Variants in CTCFL observed in about 807,000 individuals in gnomAD.
The protein encoded by CTCFL is CCCTC-binding factor like.
A neutral mutation model predicts 67.4 loss-of-function variants in CTCFL; 36 were observed. That is an observed-to-expected ratio of 0.53 (90% CI 0.41 to 0.71). The LOEUF is 0.71. CTCFL is among the 30% of genes least tolerant of loss of function. The pLI is 0.00. For synonymous variants in CTCFL, 324 were observed against 302.3 expected, an observed-to-expected ratio of 1.07 and a Z score of -0.75; for missense variants, 786 against 835.2, an observed-to-expected ratio of 0.94 and a Z score of 0.73.
At chr20:57,515,055 C>A in intron 6 of CTCFL, 1 of 309,994 alleles carries the variant, frequency 3.2e-6, no homozygotes, top group East Asian at 5.7e-5. Context: ...CACAAGACAT[C>A]AAGTACCTCT....
chr20:57,521,575 G>A (rs1001782000), intron 3 of CTCFL, among the ~76,000 whole-genome samples: 1 of 152,158 alleles, frequency 6.6e-6, no homozygotes, highest in African/African-American at 2.4e-5. Flanking sequence ...AAGTATATAC[G>A]CAAAAGGACT....
At chr20:57,507,210 G>A in intron 9 of CTCFL, 2 of 146,942 alleles carry the variant, frequency 1.4e-5, no homozygotes, top group Admixed American at 1.1e-4. Context: ...TTTTTTTTTT[G>A]AGACAGAGTC....
intron 10 of CTCFL, among the ~76,000 whole-genome samples, chr20:57,502,189 G>T (rs1269181180): frequency 6.6e-6 from 1 of 152,204 alleles, no homozygotes. Flanking sequence ...GGCACACCCA[G>T]GCTTAGGGCT....
rs750778184 is a variant in CTCFL, at chr20:57,503,317, G to A, written c.1840+119C>T. 17 of 1,206,706 alleles carry A rather than the reference G, an allele frequency of 1.4e-5. No individual in the cohort carries two copies. In the East Asian group the frequency reaches 2.1e-4, roughly 15 times the overall value. The allele number at this position is 1,206,706 out of a possible 1,614,324, so 74.7% of individuals were successfully genotyped here. On this transcript the variant is annotated intron_variant, in intron 10 of 10. Transcript: ENST00000243914. ...CTGGCACAAGCCACCTTGCAGGACCGACTGGTGGACAAATAGGGGCTCTGG... is the reference window on the plus strand; with the variant it reads ...CTGGCACAAGCCACCTTGCAGGACCAACTGGTGGACAAATAGGGGCTCTGG...
intron 5 of CTCFL, among the ~76,000 whole-genome samples, chr20:57,516,673 G>A (rs571691686): frequency 1.3e-5 from 2 of 152,350 alleles, no homozygotes; most frequent in South Asian, 2.1e-4. Context: ...GTGGAGGAAG[G>A]TGTCCCTGGC....
intron 3 of CTCFL, among the ~76,000 whole-genome samples, chr20:57,521,701 A>C (rs1398789669): frequency 6.6e-6 from 1 of 152,220 alleles, no homozygotes; most frequent in Non-Finnish European, 1.5e-5. Flanking sequence ...GGATAAATAA[A>C]ATGTGCTATA....
At chr20:57,522,961 T>A in intron 3 of CTCFL, 107 bp downstream of exon 3, 1 of 855,386 alleles carries the variant, frequency 1.2e-6, no homozygotes, top group Non-Finnish European at 1.8e-6. Flanking sequence ...CCTGACATTT[T>A]GAAAGTAAAA....
intron 7 of CTCFL, 139 bp downstream of exon 7, chr20:57,514,453 G>T: frequency 1.0e-6 from 1 of 966,684 alleles, no homozygotes; most frequent in Non-Finnish European, 1.6e-6. Flanking sequence ...CAGGACTTCT[G>T]GAAGAAAATT....
Position 57,524,004 on chromosome 20 carries a change from C to A in CTCFL, c.202G>T (p.Val68Leu). 6.2e-7 allele frequency: 1 copy of A among 1,613,318 alleles called. No homozygotes were observed. Among genetic ancestry groups the A allele is most frequent in the South Asian group, 1.1e-5 (1 of 91,078 alleles). Residue 68 changes from valine to leucine, a missense_variant, in exon 2 of 11, where the codon GTG becomes TTG. This residue lies in a region of CTCFL where 333 missense variants were observed against 304.6 expected (regional missense o/e 1.09). Transcript: ENST00000243914. ...TCGCTCTCCTCCGAGGGGGCCAGCA[C>A]CAGCTCCACTTCTTCCTCCAGGACG... Reference protein sequence around the residue: ...DSVLEEEVELVLAPSEESEKY... With the variant: ...DSVLEEEVELLLAPSEESEKY...
intron 7 of CTCFL, chr20:57,513,606 C>T: frequency 3.5e-6 from 4 of 1,130,110 alleles, no homozygotes; most frequent in Non-Finnish European, 4.4e-6. Context: ...AGACTTGTGC[C>T]CCACCAAGCC....
In CTCFL at chr20:57,518,835, G is replaced by C; in HGVS notation, c.982C>G (p.Leu328Val). 9.3e-6 allele frequency: 15 copies of C among 1,614,184 alleles called. No individual in the cohort carries two copies. The highest frequency in any genetic ancestry group is 1.3e-5 in the Non-Finnish European group (15 of 1,180,034). ...TGTTTATAGCGCCTGTGTCGGACGA[G>C]TTCTCCACTGGTGACAAATGCCATG... ...CNMAFVTSGE[L>V]VRHRRYKHTH... Residue 328 changes from leucine to valine, a missense_variant, in exon 5 of 11, where the codon CTC (leucine) becomes GTC (valine). Physicochemically the swap from Leu to Val is conservative, Grantham distance 32 (BLOSUM62 1). Coordinates refer to ENST00000243914, the MANE Select transcript of CTCFL (RefSeq NM_001386993.1).
intron 9 of CTCFL, among the ~76,000 whole-genome samples, chr20:57,505,745 T>A (rs2068172524): frequency 6.6e-6 from 1 of 152,138 alleles, no homozygotes; most frequent in Admixed American, 6.5e-5. Flanking sequence ...GTATACAACA[T>A]TCAGGAATAA....
chr20:57,512,441 A>G, intron 8 of CTCFL, 151 bp downstream of exon 8: 1 of 720,008 alleles, frequency 1.4e-6, no homozygotes, highest in South Asian at 2.1e-5. Flanking sequence ...GTTTTGAATG[A>G]CTGGCTCACA....
Position 57,508,763 on chromosome 20 carries a change from C to A in CTCFL, c.1517G>T (p.Arg506Leu). 3 of 1,614,064 alleles carry A rather than the reference C, an allele frequency of 1.9e-6. No individual in the cohort carries two copies. Among genetic ancestry groups the A allele is most frequent in the Non-Finnish European group, 2.5e-6 (3 of 1,179,992 alleles). The change falls in exon 9 of 11, where the codon CGT becomes CTT. Residue 506 changes from arginine to leucine, a missense_variant. Transcript: ENST00000243914. ...KQERHMTAHI[R>L]THTGEKPFTC... ...GAATGGTTTCTCTCCAGTGTGGGTA[C>A]GAATGTGAGCGGTCATATGACGTTC...
chr20:57,504,590 T>C (rs1189758091), intron 9 of CTCFL, among the ~76,000 whole-genome samples: 1 of 151,712 alleles, frequency 6.6e-6, no homozygotes. Flanking sequence ...CAAGATAACA[T>C]CCTAACATCC....
At chr20:57,508,472 C>T (rs2068346242) in intron 9 of CTCFL, 134 bp downstream of exon 9, 1 of 783,296 alleles carries the variant, frequency 1.3e-6, no homozygotes, top group Admixed American at 2.7e-5. Flanking sequence ...AACCACTTTC[C>T]TAAGGCATGA....
chr20:57,497,834 A>C lies in CTCFL; in HGVS notation c.*716T>G. The C allele has an allele frequency of 1.0e-6, 1 of 985,310 alleles. No individual in the cohort carries two copies. The highest frequency in any genetic ancestry group is 1.2e-6 in the Non-Finnish European group (1 of 829,762). 61.0% of individuals were successfully genotyped at this position (985,310 alleles called of 1,614,324 possible). A position where few individuals can be genotyped will look rare whatever the true frequency, so the allele number is the denominator to read the frequency against. On this transcript the variant is annotated 3_prime_UTR_variant, in exon 11 of 11. Transcript: ENST00000243914. ...GGCAATTTCATACCTGCCAAGGAGCATAATTAAAAGAGAATACAAAAATCT... is the reference window on the plus strand; with the variant it reads ...GGCAATTTCATACCTGCCAAGGAGCCTAATTAAAAGAGAATACAAAAATCT...
In CTCFL at chr20:57,498,541, G is replaced by A. The variant is rs202082891; in HGVS notation, c.*9C>T. On this transcript the variant is annotated 3_prime_UTR_variant, in exon 11 of 11. Transcript: ENST00000243914. Reference sequence around the variant, plus strand: ...ATTGGGGGCAGTGAACACGCAACCCGAATCCCTCTCACTTATCCATCGTGT... The same window carrying A: ...ATTGGGGGCAGTGAACACGCAACCCAAATCCCTCTCACTTATCCATCGTGT... 2.0e-5 allele frequency: 32 copies of A among 1,608,170 alleles called. No homozygotes were observed. Among genetic ancestry groups the A allele is most frequent in the East Asian group, 1.6e-4 (7 of 44,714 alleles).
chr20:57,524,901 A>T (rs1365349852), intron 1 of CTCFL, 127 bp downstream of exon 1: 1 of 245,260 alleles, frequency 4.1e-6, no homozygotes, highest in African/African-American at 4.3e-5. Flanking sequence ...CGACCCTCCC[A>T]GGCAGCCCCT....
Sources: allele counts gnomAD v4.1 joint callset (sites outside exome capture counted in the v4.1 genomes callset), GRCh38; gene constraint gnomAD v4.1.1; regional missense constraint gnomAD v4.1.1; transcripts MANE v1.5; gene names NCBI Gene and HGNC (gene_info 2026-07-23, HGNC 2026-07-21).